Variants in ARHGAP12 observed in about 807,000 individuals in gnomAD.
The protein encoded by ARHGAP12 is rho GTPase-activating protein 12.
Under a neutral mutation model 108.6 loss-of-function variants are expected in ARHGAP12, and 64 were observed. The ratio of observed to expected loss-of-function variants is 0.59; its 90% CI spans 0.48 to 0.73. The LOEUF (loss-of-function observed/expected upper bound fraction) is 0.73, where lower values mean the gene tolerates loss of function less well. Among genes scored for constraint, ARHGAP12 ranks in the 30% least tolerant of loss-of-function variants. The pLI, the probability that ARHGAP12 is intolerant of heterozygous loss-of-function variation, is 0.00. For synonymous variants in ARHGAP12, 312 were observed against 337.2 expected (o/e 0.93, Z 0.82); for missense variants, 940 against 1,005.9 (o/e 0.93, Z 0.89).
intron 1 of ARHGAP12, among the ~76,000 whole-genome samples, chr10:31,915,613 A>C (rs1839521691): frequency 6.6e-6 from 1 of 152,156 alleles, no homozygotes; most frequent in Non-Finnish European, 1.5e-5. Context: ...TAAAATGATA[A>C]CTATGTGAGG....
At chr10:31,906,690 A>C (rs554862310) in intron 3 of ARHGAP12, among the ~76,000 whole-genome samples, 1 of 152,318 alleles carries the variant, frequency 6.6e-6, no homozygotes, top group African/African-American at 2.4e-5. Context: ...AGGATTTCCA[A>C]ACAGTGTTAA....
intron 4 of ARHGAP12, among the ~76,000 whole-genome samples, chr10:31,857,656 C>G (rs896022220): frequency 5.9e-5 from 9 of 152,288 alleles, no homozygotes; most frequent in Non-Finnish European, 1.2e-4. Flanking sequence ...GACACATGAT[C>G]TTTAAAGCTG....
chr10:31,924,468 T>C (rs1245499494), intron 1 of ARHGAP12, among the ~76,000 whole-genome samples: 3 of 152,256 alleles, frequency 2.0e-5, no homozygotes, highest in East Asian at 1.9e-4. Context: ...AAAGCTGTAA[T>C]AGAGAAATAC....
chr10:31,853,781 A>G (rs1209198741), intron 5 of ARHGAP12, among the ~76,000 whole-genome samples: 2 of 152,218 alleles, frequency 1.3e-5, no homozygotes, highest in Admixed American at 6.5e-5. Context: ...AGAAAAATAT[A>G]AAGAAATATG....
In ARHGAP12 at chr10:31,820,379, TG is replaced by T. The variant is rs369612525; in HGVS notation, c.1632+7del. On this transcript the variant is annotated splice_region_variant and intron_variant, in intron 12 of 19. Coordinates refer to ENST00000344936, the MANE Select transcript of ARHGAP12 (RefSeq NM_018287.7). The stretch of plus-strand genomic sequence containing the variant: ...AGAATGTGTTATACTTAGAAAAAAA[TG>T]TATTACCTCAAATACATTCTTTTTG... 3.1e-6 allele frequency: 5 copies of T among 1,592,764 alleles called. No homozygotes were observed. In the African/African-American group the frequency reaches 5.4e-5, roughly 17 times the overall value.
At chr10:31,866,758 G>A (rs892714057) in intron 3 of ARHGAP12, among the ~76,000 whole-genome samples, 1 of 152,098 alleles carries the variant, frequency 6.6e-6, no homozygotes, top group African/African-American at 2.4e-5. Context: ...TGGGATTATA[G>A]GCGTGAGCCA....
chr10:31,872,211 C>T (rs927390316), intron 3 of ARHGAP12, among the ~76,000 whole-genome samples: 22 of 152,156 alleles, frequency 1.4e-4, no homozygotes, highest in Non-Finnish European at 7.4e-5. Flanking sequence ...AATCCACACA[C>T]TAACTCCCTA....
chr10:31,883,011 T>C (rs1838039360), intron 3 of ARHGAP12, among the ~76,000 whole-genome samples: 1 of 150,448 alleles, frequency 6.6e-6, no homozygotes, highest in Non-Finnish European at 1.5e-5. Flanking sequence ...ATATCTACTC[T>C]TGGGCCGGGC....
At chr10:31,865,795 G>A (rs143362007) in intron 3 of ARHGAP12, among the ~76,000 whole-genome samples, 1 of 151,378 alleles carries the variant, frequency 6.6e-6, no homozygotes, top group South Asian at 2.1e-4. Flanking sequence ...GGAGAATGGC[G>A]TGAACCCAGG....
At chr10:31,839,598 A>G in intron 8 of ARHGAP12, 39 bp downstream of exon 8, 4 of 1,505,088 alleles carry the variant, frequency 2.7e-6, no homozygotes, top group Non-Finnish European at 3.6e-6. Context: ...GATTGAAATA[A>G]CTGGACTACA....
intron 6 of ARHGAP12, among the ~76,000 whole-genome samples, chr10:31,844,878 A>G (rs895086906): frequency 6.6e-6 from 1 of 152,028 alleles, no homozygotes; most frequent in Non-Finnish European, 1.5e-5. Flanking sequence ...CTCTTTATGG[A>G]TATCTGTTTG....
intron 3 of ARHGAP12, among the ~76,000 whole-genome samples, chr10:31,902,352 G>A (rs1216423697): frequency 6.7e-6 from 1 of 149,604 alleles, no homozygotes; most frequent in African/African-American, 2.5e-5. Context: ...AAAGAATCTT[G>A]ATCTAAGGCT....
At chr10:31,879,560 C>T (rs1837858924) in intron 3 of ARHGAP12, among the ~76,000 whole-genome samples, 1 of 152,134 alleles carries the variant, frequency 6.6e-6, no homozygotes. Context: ...TTCTACCTCT[C>T]AAAATTGTTT....
intron 3 of ARHGAP12, among the ~76,000 whole-genome samples, chr10:31,886,877 C>T (rs1838208138): frequency 6.6e-6 from 1 of 152,172 alleles, no homozygotes; most frequent in Non-Finnish European, 1.5e-5. Context: ...AAGAACTAAG[C>T]TAGGCTGAGA....
At chr10:31,820,561 C>G in intron 11 of ARHGAP12, 73 bp from the exon 12 acceptor site, 3 of 755,620 alleles carry the variant, frequency 4.0e-6, no homozygotes, top group Non-Finnish European at 6.0e-6. Flanking sequence ...TAATTAAGAA[C>G]AATTTTATAT....
At position 31,806,528 on chromosome 10, in the gene ARHGAP12, A is replaced by G. The variant is rs1324411768; in HGVS notation, c.*1130T>C. 2.6e-5 allele frequency: 4 copies of G among 152,592 alleles called. No individual in the cohort carries two copies. Among genetic ancestry groups the G allele is most frequent in the Admixed American group, 6.5e-5 (1 of 15,274 alleles). 9.5% of individuals were successfully genotyped at this position (152,592 alleles called of 1,614,324 possible). On this transcript the variant is annotated 3_prime_UTR_variant, in exon 20 of 20. Coordinates refer to ENST00000344936, the MANE Select transcript of ARHGAP12 (RefSeq NM_018287.7). ...CCATCTAATTTACAGATGGGTTTCC[A>G]CTATTCATACTGGAATTAGAATTCT...
chr10:31,839,261 T>C (rs1048058797), intron 9 of ARHGAP12, 44 bp downstream of exon 9: 2 of 1,567,388 alleles, frequency 1.3e-6, no homozygotes, highest in African/African-American at 1.4e-5. Flanking sequence ...GCATAGAAAA[T>C]GAAGGTGTCT....
At chr10:31,836,526 T>G (rs1292089106) in intron 9 of ARHGAP12, among the ~76,000 whole-genome samples, 1 of 152,208 alleles carries the variant, frequency 6.6e-6, no homozygotes, top group Non-Finnish European at 1.5e-5. Context: ...GACGAAATTT[T>G]AAATCTGGTG....
chr10:31,832,470 C>G (rs1294193824), intron 9 of ARHGAP12, among the ~76,000 whole-genome samples: 1 of 152,180 alleles, frequency 6.6e-6, no homozygotes, highest in East Asian at 1.9e-4. Context: ...AGCCACTGCA[C>G]TAAAGTTAAT....
Sources: gnomAD v4.1 joint callset for allele counts (sites outside exome capture counted in the v4.1 genomes callset) on GRCh38, gnomAD v4.1.1 for gene constraint, MANE v1.5 for transcripts, NCBI Gene and HGNC (gene_info 2026-07-23, HGNC 2026-07-21) for gene names.